Variants in FBN1 observed in about 807,000 individuals in gnomAD.
The protein encoded by FBN1 is fibrillin-1.
In FBN1, 29 loss-of-function variants were observed where a neutral mutation model predicts 365.1. The ratio of observed to expected loss-of-function variants is 0.08; its 90% confidence interval spans 0.06 to 0.11. FBN1 has a LOEUF of 0.11. Among genes scored for constraint, FBN1 ranks in the 10% least tolerant of loss-of-function variants. The pLI is 1.00. For synonymous variants in FBN1, 1,210 were observed against 1,270.5 expected (o/e 0.95, Z 1.01); for missense variants, 2,476 against 3,703.2 (o/e 0.67, Z 8.60).
At chr15:48,480,009 A>G (rs2043454654) in intron 32 of FBN1, among the ~76,000 whole-genome samples, 1 of 152,162 alleles carries the variant, frequency 6.6e-6, no homozygotes, top group African/African-American at 2.4e-5. Flanking sequence ...CACTGCGCCA[A>G]CAGCATTGTA....
chr15:48,432,960 C>A lies in FBN1; in HGVS notation c.6645G>T (p.Leu2215=). The A allele has an allele frequency of 6.2e-7, 1 of 1,613,578 alleles. No individual in the cohort carries two copies. Among genetic ancestry groups the A allele is most frequent in the Admixed American group, 1.7e-5 (1 of 59,994 alleles). Reference sequence around the variant, plus strand: ...TGTTCACACATCGGAAGGCACAGAGCAGAGGATTCTGGGCACATTCATTTA... The same window carrying A: ...TGTTCACACATCGGAAGGCACAGAGAAGAGGATTCTGGGCACATTCATTTA... ...EDINECAQNP[L]LCAFRCVNTY... is the part of the protein sequence containing the mutation. The change falls in exon 55 of 66, where the codon CTG becomes CTT. Residue 2215 remains leucine, a synonymous_variant. Coordinates refer to ENST00000316623, the MANE Select transcript of FBN1 (RefSeq NM_000138.5).
At chr15:48,610,989 G>T (rs2044652061) in intron 3 of FBN1, among the ~76,000 whole-genome samples, 163 bp from the exon 4 acceptor site, 1 of 151,928 alleles carries the variant, frequency 6.6e-6, no homozygotes, top group Admixed American at 6.6e-5. Context: ...TTCAAAACAA[G>T]TCTATTGAAC....
At chr15:48,610,495 A>C (rs2044648127) in intron 4 of FBN1, among the ~76,000 whole-genome samples, 1 of 152,196 alleles carries the variant, frequency 6.6e-6, no homozygotes, top group South Asian at 2.1e-4. Context: ...CATAAGCTTT[A>C]TACTATTCAT....
rs1479346501 is a variant in FBN1 at position 48,427,790 on chromosome 15, A to G, written c.6998-17T>C. 1.2e-6 allele frequency: 2 copies of G among 1,609,556 alleles called. No homozygotes were observed. The highest frequency in any genetic ancestry group is 3.3e-5 in the Admixed American group (2 of 59,920). On this transcript the variant is annotated splice_polypyrimidine_tract_variant and intron_variant, in intron 57 of 65. Transcript: ENST00000316623. Reference sequence around the variant, plus strand: ...CCCGATTGTCTGGAAGGGACATTATATGGCAAAGGGGATGTCAGGAAATTT... The same window carrying G: ...CCCGATTGTCTGGAAGGGACATTATGTGGCAAAGGGGATGTCAGGAAATTT...
At position 48,460,395 on chromosome 15, in the gene FBN1, T is replaced by G. The variant is rs148379487; in HGVS notation, c.5225-78A>C. 1.3e-3 allele frequency: 1,144 copies of G among 887,638 alleles called. 12 individuals are homozygous for G. In the African/African-American group the frequency reaches 0.018, roughly 14 times the overall value. 55.0% of individuals were successfully genotyped at this position (887,638 alleles called of 1,614,324 possible). On this transcript the variant is annotated intron_variant, in intron 42 of 65. Transcript: ENST00000316623. ...ATAATTGGACTGAAAAAAATTATTTTGTAAGCATTCTTGAAAGGTATTTGT... is the reference window on the plus strand; with the variant it reads ...ATAATTGGACTGAAAAAAATTATTTGGTAAGCATTCTTGAAAGGTATTTGT...
chr15:48,605,989 C>T (rs902088608), intron 4 of FBN1, among the ~76,000 whole-genome samples: 19 of 152,064 alleles, frequency 1.2e-4, no homozygotes, highest in Non-Finnish European at 2.6e-4. Flanking sequence ...ACATCACTAT[C>T]CAATAGGGAA....
At chr15:48,623,685 C>T (rs1889813156) in intron 2 of FBN1, among the ~76,000 whole-genome samples, 1 of 152,176 alleles carries the variant, frequency 6.6e-6, no homozygotes, top group African/African-American at 2.4e-5. Context: ...TGACAAAATT[C>T]ATAGAGTGAC....
chr15:48,438,832 T>C (rs1249560865), intron 50 of FBN1, among the ~76,000 whole-genome samples: 1 of 152,172 alleles, frequency 6.6e-6, no homozygotes, highest in East Asian at 1.9e-4. Context: ...CTCCAAAAAG[T>C]GAGCTCAACC....
At chr15:48,552,046 G>A (rs2044146469) in intron 6 of FBN1, among the ~76,000 whole-genome samples, 1 of 152,128 alleles carries the variant, frequency 6.6e-6, no homozygotes, top group African/African-American at 2.4e-5. Flanking sequence ...GGGTCAAATG[G>A]TATTTCTGTA....
chr15:48,544,454 A>C (rs2044080540), intron 6 of FBN1, among the ~76,000 whole-genome samples: 3 of 152,344 alleles, frequency 2.0e-5, no homozygotes, highest in Non-Finnish European at 4.4e-5. Flanking sequence ...AAAAAAACAA[A>C]ACCATTTCTA....
chr15:48,592,866 A>G (rs749706405), intron 6 of FBN1, among the ~76,000 whole-genome samples: 1 of 152,194 alleles, frequency 6.6e-6, no homozygotes, highest in Non-Finnish European at 1.5e-5. Context: ...ATTCCTATTC[A>G]GCTTTTAAAA....
intron 23 of FBN1, among the ~76,000 whole-genome samples, chr15:48,492,857 C>T (rs1038109513): frequency 3.3e-5 from 5 of 152,186 alleles, no homozygotes; most frequent in Non-Finnish European, 5.9e-5. Flanking sequence ...TTCTTGGAGA[C>T]AGCTCTGGTA....
intron 2 of FBN1, among the ~76,000 whole-genome samples, chr15:48,631,726 G>A (rs1260783872): frequency 6.6e-6 from 1 of 152,178 alleles, no homozygotes; most frequent in Non-Finnish European, 1.5e-5. Context: ...GTGTTGAAAG[G>A]CAGTGTGGCT....
intron 4 of FBN1, among the ~76,000 whole-genome samples, chr15:48,607,492 C>A (rs1411482809): frequency 6.7e-6 from 1 of 149,656 alleles, no homozygotes; most frequent in Admixed American, 6.7e-5. Flanking sequence ...TTAAGTTATG[C>A]AGGCAGAGCC....
intron 2 of FBN1, among the ~76,000 whole-genome samples, chr15:48,625,074 C>G (rs981170848): frequency 1.3e-5 from 2 of 152,268 alleles, no homozygotes; most frequent in Admixed American, 6.5e-5. Context: ...TTTCAGGAAC[C>G]TAGAGTGCAG....
In FBN1 at chr15:48,452,669, T is replaced by C; in HGVS notation, c.5438A>G (p.Gln1813Arg). Reference sequence around the variant, plus strand: ...GTTGCGCTGGCACACTGGGCCGTTCTGACACTCGTCAATATCTACGAGCAG... The same window carrying C: ...GTTGCGCTGGCACACTGGGCCGTTCCGACACTCGTCAATATCTACGAGCAG... ...LLVCEDIDEC[Q>R]NGPVCQRNAE... The change falls in exon 45 of 66, where the codon CAG becomes CGG. Residue 1813 changes from glutamine (Q) to arginine (R), a missense_variant. By Grantham distance (43) the Gln-to-Arg change is conservative. This residue lies in a region of FBN1 where 1,780 missense variants were observed against 2,840.8 expected (regional missense o/e 0.63). Coordinates refer to ENST00000316623, the MANE Select transcript of FBN1 (RefSeq NM_000138.5). 2 of 1,614,202 alleles carry C rather than the reference T, an allele frequency of 1.2e-6. No individual in the cohort carries two copies. Among genetic ancestry groups the C allele is most frequent in the Non-Finnish European group, 1.7e-6 (2 of 1,180,016 alleles).
At chr15:48,471,892 A>G (rs989772378) in intron 35 of FBN1, among the ~76,000 whole-genome samples, 3 of 152,244 alleles carry the variant, frequency 2.0e-5, no homozygotes, top group African/African-American at 7.2e-5. Context: ...GCCTTAGCTA[A>G]CAGGTTCCCA....
At position 48,452,549 on chromosome 15, in the gene FBN1, G is replaced by GGGCA; in HGVS notation, c.5545+9_5545+12dup. On this transcript the variant is annotated intron_variant, in intron 45 of 65. Coordinates refer to ENST00000316623, the MANE Select transcript of FBN1 (RefSeq NM_000138.5). The stretch of plus-strand genomic sequence containing the variant: ...CTTGGGTAGGCATGTCCAGCCTGTG[G>GGGCA]GGCACTACATACCATTGCACTGTCC... The GGGCA allele has an allele frequency of 6.2e-7, 1 of 1,613,916 alleles. No individual in the cohort carries two copies. The highest frequency in any genetic ancestry group is 8.5e-7 in the Non-Finnish European group (1 of 1,179,940).
chr15:48,591,777 T>C (rs537809331), intron 6 of FBN1, among the ~76,000 whole-genome samples: 12 of 150,106 alleles, frequency 8.0e-5, no homozygotes, highest in African/African-American at 2.8e-4. Flanking sequence ...GTGAGGTCTT[T>C]AGAGTTATGA....
Sources: gnomAD v4.1 joint callset for allele counts (sites outside exome capture counted in the v4.1 genomes callset) on GRCh38, gnomAD v4.1.1 for gene constraint, gnomAD v4.1.1 regional missense constraint, MANE v1.5 for transcripts, NCBI Gene and HGNC (gene_info 2026-07-23, HGNC 2026-07-21) for gene names.